Variants in L3MBTL2 observed in about 807,000 individuals in gnomAD.
The protein encoded by L3MBTL2 is L3MBTL histone methyl-lysine binding protein 2, also known as lethal(3)malignant brain tumor-like protein 2.
Under a neutral mutation model 86.4 loss-of-function variants are expected in L3MBTL2, and 49 were observed. The observed-to-expected ratio is 0.57, with a 90% CI of 0.45 to 0.72. The LOEUF is 0.72. Ranked by LOEUF, L3MBTL2 falls within the 30% of genes least tolerant of loss-of-function variation. The probability of loss-of-function intolerance (pLI) is 0.00; values close to 1 mark genes in which losing one functional copy is unlikely to be tolerated. For missense variants in L3MBTL2, 755 were observed against 923.7 expected (o/e 0.82, Z 2.37); for synonymous variants, 336 against 350.6 (o/e 0.96, Z 0.47).
At chr22:41,228,930 C>T (rs756856049) in intron 15 of L3MBTL2, among the ~76,000 whole-genome samples, 2 of 151,818 alleles carry the variant, frequency 1.3e-5, no homozygotes, top group African/African-American at 2.4e-5. Flanking sequence ...ACGGTAGGAC[C>T]GGGAATGGTG....
At position 41,226,871 on chromosome 22, in the gene L3MBTL2, G is replaced by A; in HGVS notation, c.1587+127G>A. The A allele has an allele frequency of 7.6e-6, 6 of 793,650 alleles. No individual in the cohort carries two copies. The South Asian group carries it at 1.0e-4, about 13-fold the overall frequency. The allele number at this position is 793,650 out of a possible 1,614,324, so 49.2% of individuals were successfully genotyped here. Reference sequence around the variant, plus strand: ...TACTGCTGACATCAGCCACTTTCAGGGGGAAGTCCCCAGCTATGGCCTGGG... The same window carrying A: ...TACTGCTGACATCAGCCACTTTCAGAGGGAAGTCCCCAGCTATGGCCTGGG... On this transcript the variant is annotated intron_variant, in intron 13 of 16. Transcript: ENST00000216237.
chr22:41,209,944 A>G lies in L3MBTL2; in HGVS notation c.262+11A>G, dbSNP rs190686378. On this transcript the variant is annotated intron_variant, in intron 2 of 16. Coordinates refer to ENST00000216237, the MANE Select transcript of L3MBTL2 (RefSeq NM_031488.5). ...GTGGTTCTGAGCCAGGTGCCTTCAG[A>G]GTGTCCCCTGAGGATGGAGAGGAGA... is the stretch of plus-strand genomic sequence containing the variant. 1 of 1,612,622 alleles carries G rather than the reference A, an allele frequency of 6.2e-7. No homozygotes were observed. The highest frequency in any genetic ancestry group is 1.7e-5 in the Admixed American group (1 of 59,944).
intron 5 of L3MBTL2, 72 bp from the exon 6 acceptor site, chr22:41,219,347 G>A: frequency 8.9e-7 from 1 of 1,121,364 alleles, no homozygotes; most frequent in Non-Finnish European, 1.4e-6. Context: ...CTTGACTGAG[G>A]CCGTGAGGCA....
rs142974577 is a variant in L3MBTL2 at position 41,229,802 on chromosome 22, C to T, written c.2005+146C>T. On this transcript the variant is annotated intron_variant, in intron 16 of 16. Transcript: ENST00000216237. ...ACCAAGCAGTCCTGTACCACTGGAC[C>T]CAGGGTGTTTCCCAGACACGCCCCC... 9,820 of 1,367,176 alleles carry T rather than the reference C, an allele frequency of 7.2e-3. 57 individuals are homozygous for T. The highest frequency in any genetic ancestry group is 0.01 in the Middle Eastern group (42 of 4,016). 84.7% of individuals were successfully genotyped at this position (1,367,176 alleles called of 1,614,324 possible).
At chr22:41,220,141 A>G (rs1327812805) in intron 6 of L3MBTL2, among the ~76,000 whole-genome samples, 1 of 152,178 alleles carries the variant, frequency 6.6e-6, no homozygotes, top group Non-Finnish European at 1.5e-5. Context: ...TGAGCTCAGG[A>G]GTTCGAGACC....
intron 8 of L3MBTL2, among the ~76,000 whole-genome samples, chr22:41,223,588 C>G (rs572899767): frequency 6.6e-6 from 1 of 152,296 alleles, no homozygotes; most frequent in African/African-American, 2.4e-5. Flanking sequence ...GGGCAGGATG[C>G]CTGGGGATCA....
intron 8 of L3MBTL2, among the ~76,000 whole-genome samples, chr22:41,222,385 G>T (rs1221131351): frequency 1.3e-5 from 2 of 152,226 alleles, no homozygotes; most frequent in Admixed American, 6.5e-5. Context: ...GGCGCCTCTG[G>T]GCTGTCTGAT....
intron 2 of L3MBTL2, among the ~76,000 whole-genome samples, chr22:41,212,895 C>CAAA (rs35911149): frequency 7.4e-6 from 1 of 135,284 alleles, no homozygotes; most frequent in Non-Finnish European, 1.6e-5. Context: ...AACTCCATCT[C>CAAA]AAAAAAAAAA....
At chr22:41,215,751 C>T (rs1333764125) in intron 3 of L3MBTL2, among the ~76,000 whole-genome samples, 2 of 152,222 alleles carry the variant, frequency 1.3e-5, no homozygotes, top group Admixed American at 1.3e-4. Flanking sequence ...CAAACATTCG[C>T]GTATGTACAG....
At chr22:41,221,638 G>A (rs758143639) in intron 8 of L3MBTL2, among the ~76,000 whole-genome samples, 5 of 152,144 alleles carry the variant, frequency 3.3e-5, no homozygotes, top group Admixed American at 6.6e-5. Context: ...ACGGAGTCTC[G>A]CTCTGTCCCC....
At chr22:41,221,071 C>T (rs2031779276) in intron 7 of L3MBTL2, 128 bp from the exon 8 acceptor site, 2 of 972,472 alleles carry the variant, frequency 2.1e-6, no homozygotes, top group Non-Finnish European at 3.0e-6. Flanking sequence ...GAAGTCATTG[C>T]TGGCCTGAAG....
At position 41,226,664 on chromosome 22, in the gene L3MBTL2, T is replaced by C; in HGVS notation, c.1507T>C (p.Tyr503His). ...NDIELTPPKGYEAQTFNWENY... is the reference protein window; with the variant it reads ...NDIELTPPKGHEAQTFNWENY... ...ATCTGAGCTTTCTGCTCCTCCAGGT[T>C]ATGAGGCACAGACTTTCAACTGGGA... The change falls in exon 13 of 17, where the codon TAT (tyrosine) becomes CAT (histidine). Residue 503 changes from tyrosine to histidine, a missense_variant and splice_region_variant. Transcript: ENST00000216237. 6.2e-7 allele frequency: 1 copy of C among 1,611,708 alleles called. No homozygotes were observed. Among genetic ancestry groups the C allele is most frequent in the Non-Finnish European group, 8.5e-7 (1 of 1,177,804 alleles).
At position 41,231,038 on chromosome 22, in the gene L3MBTL2, A is replaced by T. The variant is rs1216008008; in HGVS notation, c.*787A>T. The T allele has an allele frequency of 2.0e-5, 3 of 152,134 alleles. No homozygotes were observed. The highest frequency in any genetic ancestry group is 4.4e-5 in the Non-Finnish European group (3 of 68,020). The allele number at this position is 152,134 out of a possible 1,614,324, so 9.4% of individuals were successfully genotyped here. On this transcript the variant is annotated 3_prime_UTR_variant, in exon 17 of 17. Transcript: ENST00000216237. ...CCCCGCTAAAAATAATTCATCCAAG[A>T]TTCCTTTGTAGTTAAAGGGTCCAGT...
intron 1 of L3MBTL2, among the ~76,000 whole-genome samples, chr22:41,206,731 G>A (rs887956239): frequency 2.6e-5 from 4 of 152,026 alleles, no homozygotes; most frequent in East Asian, 1.9e-4. Context: ...CGTGGGAGGC[G>A]GAGCTTGCAG....
intron 1 of L3MBTL2, 164 bp from the exon 2 acceptor site, chr22:41,209,532 T>C: frequency 1.6e-6 from 1 of 641,826 alleles, no homozygotes; most frequent in Non-Finnish European, 2.8e-6. Flanking sequence ...TGCATCATGG[T>C]GGAGAAATGT....
intron 2 of L3MBTL2, among the ~76,000 whole-genome samples, chr22:41,211,557 C>CTTTCTTTTTTTT (rs1039028243): frequency 0.013 from 1,237 of 97,264 alleles, 166 homozygotes; most frequent in African/African-American, 0.05. Context: ...ATCTTATTTC[C>CTTTCTTTTTTTT]TTTTTTTTTT....
rs1229057623 is a variant in L3MBTL2 at position 41,225,151 on chromosome 22, C to T, written c.1356+80C>T. Reference sequence around the variant, plus strand: ...TGGCCCAGAGCTCTAACCCCACTCGCCACCGTCAGGGGGTCTGTGTCCCAG... The same window carrying T: ...TGGCCCAGAGCTCTAACCCCACTCGTCACCGTCAGGGGGTCTGTGTCCCAG... On this transcript the variant is annotated intron_variant, in intron 11 of 16. Coordinates refer to ENST00000216237, the MANE Select transcript of L3MBTL2 (RefSeq NM_031488.5). This position sits in a 1 kb window ranked among gnomAD's most constrained non-coding sequence, Gnocchi z 4.1. The T allele has an allele frequency of 8.9e-7, 1 of 1,118,740 alleles. No homozygotes were observed. Among genetic ancestry groups the T allele is most frequent in the Non-Finnish European group, 1.3e-6 (1 of 769,882 alleles). 69.3% of individuals were successfully genotyped at this position (1,118,740 alleles called of 1,614,324 possible).
chr22:41,221,054 C>A, intron 7 of L3MBTL2, 145 bp from the exon 8 acceptor site: 2 of 936,920 alleles, frequency 2.1e-6, no homozygotes, highest in South Asian at 1.7e-5. Context: ...ATCTGATGTT[C>A]TCAGATGAAG....
Position 41,230,245 on chromosome 22 carries a change from C to A in L3MBTL2, c.2112C>A (p.Asp704Glu). ...VSVENIKQET[D>E]D ...TCGAGAACATCAAGCAGGAAACAGA[C>A]GACTGAGCCTTCCTGCCTCCAGCCT... Residue 704 changes from aspartate to glutamate, a missense_variant, in exon 17 of 17, where the codon GAC (aspartate) becomes GAA (glutamate). This residue lies in a region of L3MBTL2 where 634 missense variants were observed against 748.9 expected (regional missense o/e 0.85). Transcript: ENST00000216237. 6.2e-7 allele frequency: 1 copy of A among 1,612,994 alleles called. No individual in the cohort carries two copies. Among genetic ancestry groups the A allele is most frequent in the East Asian group, 2.2e-5 (1 of 44,854 alleles).
Sources: gnomAD v4.1 joint callset for allele counts (sites outside exome capture counted in the v4.1 genomes callset) on GRCh38, gnomAD v4.1.1 for gene constraint, gnomAD v4.1.1 regional missense constraint, Gnocchi (gnomAD v3.1) non-coding constraint, MANE v1.5 for transcripts, NCBI Gene and HGNC (gene_info 2026-07-23, HGNC 2026-07-21) for gene names.